Variants in TERT observed in about 807,000 individuals in gnomAD.
TERT encodes the protein telomerase reverse transcriptase.
TERT carries 42 observed loss-of-function variants against 104.0 expected under a neutral mutation model. The ratio of observed to expected loss-of-function variants is 0.40; its 90% CI spans 0.32 to 0.52. The LOEUF (loss-of-function observed/expected upper bound fraction) is 0.52, where lower values mean the gene tolerates loss of function less well. Ranked by LOEUF, TERT falls within the 20% of genes least tolerant of loss-of-function variation. The pLI is 0.43. For missense variants in TERT, 1,101 were observed against 1,610.3 expected, an observed-to-expected ratio of 0.68 and a Z score of 5.41; for synonymous variants, 781 against 725.6, an observed-to-expected ratio of 1.08 and a Z score of -1.23.
In TERT at chr5:1,286,101, G is replaced by A. The variant is rs1165344973; in HGVS notation, c.1574-3477C>T. Among the ~76,000 whole-genome samples, 1 of 152,148 alleles carries A rather than the reference G, an allele frequency of 6.6e-6. No individual in the cohort carries two copies. Among genetic ancestry groups the A allele is most frequent in the Non-Finnish European group, 1.5e-5 (1 of 68,030 alleles). ...GGGTTTTCCAGGCTGAACCCAGGCC[G>A]AGCGGACGTTGCTGTCACTCACTGG... On this transcript the variant is annotated intron_variant, in intron 2 of 15. Transcript: ENST00000310581. The surrounding 1 kb of genome is among the most constrained non-coding windows in gnomAD (Gnocchi z 5.3).
chr5:1,280,343 AAT>A lies in TERT; in HGVS notation c.1770-7_1770-6del. On this transcript the variant is annotated splice_polypyrimidine_tract_variant and splice_region_variant and intron_variant, in intron 3 of 15. Transcript: ENST00000310581. ...TGCACCCTCTTCAAGTGCTGTCTGC[AAT>A]AGAGAGCCCCTCAGGAGGCTTGCTC... 1 of 1,612,224 alleles carries A rather than the reference AAT, an allele frequency of 6.2e-7. No individual in the cohort carries two copies. Among genetic ancestry groups the A allele is most frequent in the Non-Finnish European group, 8.5e-7 (1 of 1,179,932 alleles).
chr5:1,281,795 AAG>A (rs1750038122), intron 3 of TERT, among the ~76,000 whole-genome samples: 1 of 152,188 alleles, frequency 6.6e-6, no homozygotes, highest in South Asian at 2.1e-4. Context: ...CATGAATTAA[AAG>A]AGAATCGGGG....
rs1423849443 is a variant in TERT, at chr5:1,269,805, T to C, written c.2469-1172A>G. ...GATGGGAAACTCTCTCTGTTCTTAG[T>C]TTTTGGGGCAACAGGTTTTGAAGAC... On this transcript the variant is annotated intron_variant, in intron 8 of 15. Transcript: ENST00000310581. This position sits in a 1 kb window ranked among gnomAD's most constrained non-coding sequence, Gnocchi z 9.0. Among the ~76,000 whole-genome samples the C allele has an allele frequency of 1.3e-5, 2 of 151,950 alleles. No individual in the cohort carries two copies. The highest frequency in any genetic ancestry group is 1.9e-4 in the East Asian group (1 of 5,182).
At chr5:1,267,908 C>A (rs1356312073) in intron 9 of TERT, among the ~76,000 whole-genome samples, 2 of 151,952 alleles carry the variant, frequency 1.3e-5, no homozygotes, top group Non-Finnish European at 2.9e-5. Flanking sequence ...GGGTGCAGCA[C>A]ACCAACATGG....
chr5:1,294,690 G>C (rs1417142248), intron 1 of TERT, 24 bp from the exon 2 acceptor site: 2 of 1,586,830 alleles, frequency 1.3e-6, no homozygotes, highest in East Asian at 2.3e-5. Flanking sequence ...GCCCTGAGTC[G>C]CCTGCGCTGC....
At position 1,264,564 on chromosome 5, in the gene TERT, C is replaced by A; in HGVS notation, c.2683G>T (p.Gly895Cys). The A allele has an allele frequency of 6.2e-7, 1 of 1,614,064 alleles. No homozygotes were observed. The highest frequency in any genetic ancestry group is 8.5e-7 in the Non-Finnish European group (1 of 1,180,048). Residue 895 changes from glycine (G) to cysteine (C), a missense_variant, in exon 11 of 16, where the codon GGC becomes TGC. Coordinates refer to ENST00000310581, the MANE Select transcript of TERT (RefSeq NM_198253.3). ...RTLVRGVPEY[G>C]CVVNLRKTVV... The stretch of plus-strand genomic sequence containing the variant: ...GTCTTCCGCAAGTTCACCACGCAGC[C>A]ATACTCAGGGACACCTCGGACCAGG...
chr5:1,263,532 T>C lies in TERT; in HGVS notation c.2843+872A>G, dbSNP rs768814499. 1.7e-4 allele frequency among the ~76,000 whole-genome samples: 26 copies of C among 152,252 alleles called. No homozygotes were observed. The highest frequency in any genetic ancestry group is 4.1e-4 in the South Asian group (2 of 4,828). On this transcript the variant is annotated intron_variant, in intron 11 of 15. Transcript: ENST00000310581. The surrounding 1 kb of genome is among the most constrained non-coding windows in gnomAD (Gnocchi z 5.3). ...GATTCTCCTGCCTCAGCCTCCCGCA[T>C]AGCGGGGACTACAGGCGTGTGCCAC...
intron 2 of TERT, among the ~76,000 whole-genome samples, chr5:1,285,718 C>T (rs891859860): frequency 1.1e-4 from 17 of 151,382 alleles, no homozygotes; most frequent in African/African-American, 2.7e-4. Context: ...TACAGGCACC[C>T]GCCACCACGC....
At chr5:1,276,367 A>G (rs529285656) in intron 6 of TERT, among the ~76,000 whole-genome samples, 1 of 135,236 alleles carries the variant, frequency 7.4e-6, no homozygotes, top group South Asian at 2.6e-4. Context: ...ATGAAAACCA[A>G]TTCACAGATC....
rs1469244031 is a variant in TERT at position 1,294,757 on chromosome 5, C to G, written c.219+14G>C. 6.5e-7 allele frequency: 1 copy of G among 1,549,892 alleles called. No individual in the cohort carries two copies. Among genetic ancestry groups the G allele is most frequent in the African/African-American group, 1.4e-5 (1 of 72,824 alleles). On this transcript the variant is annotated intron_variant, in intron 1 of 15. Coordinates refer to ENST00000310581, the MANE Select transcript of TERT (RefSeq NM_198253.3). ...CCTCAACCCCAGCCGGACGCCGACC[C>G]CGGGGAGGCCCACCTGGCGGAAGGA...
At chr5:1,276,374 G>T (rs550836712) in intron 6 of TERT, among the ~76,000 whole-genome samples, 4 of 121,484 alleles carry the variant, frequency 3.3e-5, no homozygotes, top group South Asian at 2.9e-4. Context: ...CCAATTCACA[G>T]ATCCCCACCT....
intron 2 of TERT, among the ~76,000 whole-genome samples, chr5:1,285,565 ATTTTTTTTT>A (rs1170336173): frequency 4.9e-5 from 4 of 82,184 alleles, no homozygotes; most frequent in African/African-American, 2.0e-4. Flanking sequence ...GGCTACTAGA[ATTTTTTTTT>A]TTTTTTTTTT....
Position 1,279,340 on chromosome 5 carries a change from A to G in TERT, c.2081T>C (p.Val694Ala), listed in dbSNP as rs1026167666. 1.3e-6 allele frequency: 2 copies of G among 1,584,766 alleles called. No homozygotes were observed. Among genetic ancestry groups the G allele is most frequent in the Non-Finnish European group, 1.7e-6 (2 of 1,167,850 alleles). ...DDIHRAWRTF[V>A]LRVRAQDPPP... ...CGGGTCCTGGGCCCGCACACGCAGC[A>G]CGAAGGTGCGCCAGGCCCTGTGGAT... is the stretch of plus-strand genomic sequence containing the variant. The change falls in exon 5 of 16, where the codon GTG (valine) becomes GCG (alanine). Residue 694 changes from valine (V) to alanine (A), a missense_variant. Physicochemically the swap from Val to Ala is moderately conservative, Grantham distance 64. Around this residue, in one of 5 missense-constraint regions of TERT, gnomAD observed 463 missense variants for 797.5 expected, o/e 0.58. Coordinates refer to ENST00000310581, the MANE Select transcript of TERT (RefSeq NM_198253.3).
chr5:1,263,600 T>C lies in TERT; in HGVS notation c.2843+804A>G, dbSNP rs1748380140. 6.6e-6 allele frequency among the ~76,000 whole-genome samples: 1 copy of C among 152,164 alleles called. No individual in the cohort carries two copies. The highest frequency in any genetic ancestry group is 2.4e-5 in the African/African-American group (1 of 41,436). On this transcript the variant is annotated intron_variant, in intron 11 of 15. Transcript: ENST00000310581. This position sits in a 1 kb window ranked among gnomAD's most constrained non-coding sequence, Gnocchi z 5.3. Reference sequence around the variant, plus strand: ...TGTATTTTTTAAGTAGAAATGGAATTTCACTATGTTGGTTAGGTTGGCCTC... The same window carrying C: ...TGTATTTTTTAAGTAGAAATGGAATCTCACTATGTTGGTTAGGTTGGCCTC...
chr5:1,293,521 G>A lies in TERT; in HGVS notation c.1365C>T (p.His455=), dbSNP rs904892356. Residue 455 remains histidine (H), a synonymous_variant, in exon 2 of 16, where the codon CAC becomes CAT. Coordinates refer to ENST00000310581, the MANE Select transcript of TERT (RefSeq NM_198253.3). Reference sequence around the variant, plus strand: ...AGCCGTACACCTGCCAGGGGCTGCTGTGCTGGCGGAGCAGCTGCACCAGGC... The same window carrying A: ...AGCCGTACACCTGCCAGGGGCTGCTATGCTGGCGGAGCAGCTGCACCAGGC... ...PRRLVQLLRQ[H]SSPWQVYGFV... is the part of the protein sequence containing the mutation. The A allele has an allele frequency of 3.8e-6, 6 of 1,564,802 alleles. No individual in the cohort carries two copies. The highest frequency in any genetic ancestry group is 5.2e-6 in the Non-Finnish European group (6 of 1,154,938).
chr5:1,282,372 G>A (rs561892163), intron 3 of TERT, 57 bp downstream of exon 3: 13 of 1,575,844 alleles, frequency 8.2e-6, no homozygotes, highest in East Asian at 2.2e-5. Context: ...GCATGCTGAG[G>A]CCGGGCTGGT....
At chr5:1,278,827 T>C (rs750598676) in intron 5 of TERT, 31 bp from the exon 6 acceptor site, 2 of 1,613,222 alleles carry the variant, frequency 1.2e-6, no homozygotes, top group Admixed American at 1.7e-5. Context: ...AGACTGACAG[T>C]GGCCACGCAG....
At chr5:1,272,080 T>G (rs1296916743) in intron 7 of TERT, 105 bp downstream of exon 7, 3 of 991,818 alleles carry the variant, frequency 3.0e-6, no homozygotes, top group South Asian at 2.7e-5. Flanking sequence ...TTCCCCCCAC[T>G]GCCCCCCAGG....
chr5:1,292,357 T>G lies in TERT; in HGVS notation c.1573+956A>C, dbSNP rs1751048247. ...GGCAGGGCCCAGCAGCACCATCCCC[T>G]GAACACCCACAAACACTGTCCCTTC... On this transcript the variant is annotated intron_variant, in intron 2 of 15. Transcript: ENST00000310581. This position sits in a 1 kb window ranked among gnomAD's most constrained non-coding sequence, Gnocchi z 5.5. 6.6e-6 allele frequency among the ~76,000 whole-genome samples: 1 copy of G among 152,096 alleles called. No individual in the cohort carries two copies. Among genetic ancestry groups the G allele is most frequent in the Non-Finnish European group, 1.5e-5 (1 of 68,020 alleles).
Sources: allele counts gnomAD v4.1 joint callset (sites outside exome capture counted in the v4.1 genomes callset), GRCh38; gene constraint gnomAD v4.1.1; regional missense constraint gnomAD v4.1.1; non-coding constraint Gnocchi (gnomAD v3.1); transcripts MANE v1.5; gene names NCBI Gene and HGNC (gene_info 2026-07-23, HGNC 2026-07-21).